POLR3E: variants seen among roughly 807,000 people sequenced by gnomAD.
The protein encoded by POLR3E is DNA-directed RNA polymerase III subunit RPC5.
A neutral mutation model predicts 96.6 loss-of-function variants in POLR3E; 41 were observed. The observed-to-expected ratio is 0.42, with a 90% CI of 0.33 to 0.55. The LOEUF (loss-of-function observed/expected upper bound fraction) is 0.55. Ranked by LOEUF, POLR3E falls within the 20% of genes least tolerant of loss-of-function variation. POLR3E has a pLI of 0.06. For synonymous variants in POLR3E, 396 were observed against 383.6 expected (o/e 1.03, Z -0.38); for missense variants, 849 against 952.1 (o/e 0.89, Z 1.43).
chr16:22,308,052 G>A (rs1402697476), intron 3 of POLR3E, 96 bp from the exon 4 acceptor site: 2 of 864,430 alleles, frequency 2.3e-6, no homozygotes, highest in African/African-American at 3.3e-5. Context: ...GTCTCTGCTT[G>A]GGGTGGGCTT....
At chr16:22,315,005 T>C in intron 8 of POLR3E, 84 bp from the exon 9 acceptor site, 1 of 1,463,962 alleles carries the variant, frequency 6.8e-7, no homozygotes, top group Non-Finnish European at 9.4e-7. Flanking sequence ...TACGGAGTTC[T>C]CTGGTCTTCT....
chr16:22,318,880 C>G lies in POLR3E; in HGVS notation c.920C>G (p.Ser307Cys), dbSNP rs1567321895. 1 of 1,613,678 alleles carries G rather than the reference C, an allele frequency of 6.2e-7. No individual in the cohort carries two copies. Among genetic ancestry groups the G allele is most frequent in the Non-Finnish European group, 8.5e-7 (1 of 1,179,712 alleles). Residue 307 changes from serine to cysteine, a missense_variant, in exon 13 of 21, where the codon TCC becomes TGC. Ser to Cys is a moderately radical substitution (Grantham distance 112). Transcript: ENST00000299853. This position sits in a 1 kb window ranked among gnomAD's most constrained non-coding sequence, Gnocchi z 5.0. ...AGCCTCCTGGGCCCCTCCATCGATT[C>G]CGTGGCTGTTCTGCGGGGCATCCAG... is the stretch of plus-strand genomic sequence containing the variant. ...LMSLLGPSID[S>C]VAVLRGIQKV...
intron 14 of POLR3E, among the ~76,000 whole-genome samples, chr16:22,323,934 C>A (rs1456177710): frequency 6.6e-6 from 1 of 152,342 alleles, no homozygotes; most frequent in East Asian, 1.9e-4. Context: ...AGAGTGGGGG[C>A]TGCAGGGGGC....
intron 19 of POLR3E, among the ~76,000 whole-genome samples, chr16:22,329,652 T>C (rs977977557): frequency 1.3e-5 from 2 of 152,154 alleles, no homozygotes; most frequent in Non-Finnish European, 2.9e-5. Context: ...ATAGAGGGTA[T>C]CTGAAATACT....
chr16:22,303,091 C>A, intron 2 of POLR3E, 87 bp downstream of exon 2: 2 of 1,218,578 alleles, frequency 1.6e-6, no homozygotes, highest in Non-Finnish European at 2.4e-6. Context: ...AGTCTGGGAC[C>A]TGTTGATGTT....
rs1280140808 is a variant in POLR3E, at chr16:22,325,864, G to A, written c.1452G>A (p.Glu484=). Residue 484 remains glutamate, a synonymous_variant, in exon 18 of 21, where the codon GAG becomes GAA. Coordinates refer to ENST00000299853, the MANE Select transcript of POLR3E (RefSeq NM_018119.4). ...LLERELQRRK[E]QLRVPAVPPG... The stretch of plus-strand genomic sequence containing the variant: ...AGCGGGAGCTGCAGCGGCGGAAGGA[G>A]CAGCTGCGGGTGCCTGCGGTCCCGC... The A allele has an allele frequency of 8.1e-6, 13 of 1,611,850 alleles. No individual in the cohort carries two copies. The highest frequency in any genetic ancestry group is 1.0e-5 in the Non-Finnish European group (12 of 1,179,312).
intron 14 of POLR3E, 94 bp from the exon 15 acceptor site, chr16:22,324,260 G>A: frequency 1.0e-6 from 1 of 994,360 alleles, no homozygotes; most frequent in Non-Finnish European, 1.6e-6. Flanking sequence ...GACTGTCCCA[G>A]GCTCCAGCTC....
intron 1 of POLR3E, among the ~76,000 whole-genome samples, chr16:22,300,429 AGCTGACAGG>A (rs1277046800): frequency 2.6e-5 from 4 of 151,996 alleles, no homozygotes; most frequent in Non-Finnish European, 5.9e-5. Context: ...CCAGCTCTCT[AGCTGACAGG>A]GCACCTCAGC....
At chr16:22,299,962 A>G (rs1282299181) in intron 1 of POLR3E, among the ~76,000 whole-genome samples, 3 of 151,358 alleles carry the variant, frequency 2.0e-5, no homozygotes, top group African/African-American at 7.3e-5. Context: ...CAGTCCTTCC[A>G]CCTAAGCCTC....
At position 22,324,490 on chromosome 16, in the gene POLR3E, C is replaced by G; in HGVS notation, c.1129-13C>G. ...GGCTGGCTGTGCCTCACGCTGGGCC[C>G]CCTCCCCTCCAGCTCTGCGCCGAGG... is the stretch of plus-strand genomic sequence containing the variant. On this transcript the variant is annotated splice_polypyrimidine_tract_variant and intron_variant, in intron 15 of 20. Transcript: ENST00000299853. 1 of 1,610,730 alleles carries G rather than the reference C, an allele frequency of 6.2e-7. No individual in the cohort carries two copies. The highest frequency in any genetic ancestry group is 8.5e-7 in the Non-Finnish European group (1 of 1,178,422).
At chr16:22,305,836 T>C (rs1458921644) in intron 3 of POLR3E, among the ~76,000 whole-genome samples, 1 of 152,194 alleles carries the variant, frequency 6.6e-6, no homozygotes, top group Non-Finnish European at 1.5e-5. Flanking sequence ...AGCATTTACC[T>C]CAGTTACCTC....
intron 16 of POLR3E, 80 bp downstream of exon 16, chr16:22,324,740 C>T (rs2048543358): frequency 1.4e-5 from 21 of 1,468,118 alleles, no homozygotes; most frequent in African/African-American, 1.4e-5. Flanking sequence ...AGGGTGGATC[C>T]GAGCAATCTC....
intron 18 of POLR3E, 109 bp downstream of exon 18, chr16:22,326,387 C>G (rs1356870427): frequency 2.2e-6 from 2 of 922,126 alleles, no homozygotes; most frequent in East Asian, 5.3e-5. Flanking sequence ...AGCATCTGCT[C>G]TCACGTGGGC....
At chr16:22,330,721 G>A (rs1016356411) in intron 19 of POLR3E, among the ~76,000 whole-genome samples, 6 of 152,114 alleles carry the variant, frequency 3.9e-5, no homozygotes, top group African/African-American at 1.2e-4. Context: ...GTCTTAAAAT[G>A]GATTACAATA....
At chr16:22,327,879 T>TA (rs1442029563) in intron 18 of POLR3E, 3 of 152,318 alleles carry the variant, frequency 2.0e-5, no homozygotes, top group Non-Finnish European at 4.4e-5. Flanking sequence ...TAGTAACCAT[T>TA]ATTGCTACTT....
In POLR3E at chr16:22,326,188, G is replaced by GC. The variant is rs777556882; in HGVS notation, c.1782dup (p.Gly595ArgfsTer39). On this transcript the variant is annotated frameshift_variant, in exon 18 of 21. Transcript: ENST00000299853. LOFTEE classifies it high-confidence loss of function. ...TCTTCAATCTGCACTTGGCCAGCCT[G>GC]CCCCCCGGCCACACACTCTTCAGCG... is the stretch of plus-strand genomic sequence containing the variant. 11 of 1,613,800 alleles carry GC rather than the reference G, an allele frequency of 6.8e-6. No individual in the cohort carries two copies. Among genetic ancestry groups the GC allele is most frequent in the Non-Finnish European group, 7.6e-6 (9 of 1,179,984 alleles).
rs776288908 is a variant in POLR3E, at chr16:22,318,243, G to A, written c.866-583G>A. 5.3e-5 allele frequency among the ~76,000 whole-genome samples: 8 copies of A among 152,114 alleles called. No individual in the cohort carries two copies. Among genetic ancestry groups the A allele is most frequent in the Admixed American group, 3.9e-4 (6 of 15,274 alleles). On this transcript the variant is annotated intron_variant, in intron 12 of 20. Transcript: ENST00000299853. This position sits in a 1 kb window ranked among gnomAD's most constrained non-coding sequence, Gnocchi z 5.0. ...GGAGTAGCTGGGACTACAGGTGCCCGCCATCACGCCCAGCTAATTTTTGTA... is the reference window on the plus strand; with the variant it reads ...GGAGTAGCTGGGACTACAGGTGCCCACCATCACGCCCAGCTAATTTTTGTA...
chr16:22,324,508 C>A lies in POLR3E; in HGVS notation c.1134C>A (p.Cys378Ter). 1 of 1,611,660 alleles carries A rather than the reference C, an allele frequency of 6.2e-7. No individual in the cohort carries two copies. The highest frequency in any genetic ancestry group is 8.5e-7 in the Non-Finnish European group (1 of 1,178,950). ...RKEVATVTKL[C>*]AEDVKDFLEH... is the part of the protein sequence containing the mutation. ...CTGGGCCCCCTCCCCTCCAGCTCTG[C>A]GCCGAGGATGTGAAGGACTTCCTGG... The change falls in exon 16 of 21, where the codon TGC becomes TGA. Residue 378 changes from cysteine (C) to a stop codon, truncating the protein, a stop_gained. Transcript: ENST00000299853. LOFTEE classifies it high-confidence loss of function.
intron 18 of POLR3E, 103 bp downstream of exon 18, chr16:22,326,381 T>G: frequency 2.7e-4 from 242 of 903,440 alleles, no homozygotes; most frequent in Non-Finnish European, 3.5e-4. Flanking sequence ...TTGGTGAGCA[T>G]CTGCTCTCAC....
Sources: gnomAD v4.1 joint callset for allele counts (sites outside exome capture counted in the v4.1 genomes callset) on GRCh38, gnomAD v4.1.1 for gene constraint, Gnocchi (gnomAD v3.1) non-coding constraint, MANE v1.5 for transcripts, NCBI Gene and HGNC (gene_info 2026-07-23, HGNC 2026-07-21) for gene names.